Variants in ZNF454 observed in about 807,000 individuals in gnomAD.
ZNF454 encodes the protein zinc finger protein 454.
Under a neutral mutation model 48.2 loss-of-function variants are expected in ZNF454, and 30 were observed. The ratio of observed to expected loss-of-function variants is 0.62; its 90% CI spans 0.47 to 0.84. The LOEUF (loss-of-function observed/expected upper bound fraction) is 0.84. Among genes scored for constraint, ZNF454 ranks in the 40% least tolerant of loss-of-function variants. ZNF454 has a pLI of 0.00. For synonymous variants in ZNF454, 204 were observed against 211.4 expected, an observed-to-expected ratio of 0.97 and a Z score of 0.30; for missense variants, 510 against 623.1, an observed-to-expected ratio of 0.82 and a Z score of 1.93.
the ZNF454 span, chr5:178,988,998 G>A: frequency 1.2e-4 from 187 of 1,613,950 alleles, no homozygotes; most frequent in Non-Finnish European, 1.6e-4. This position sits in a 1 kb window ranked among gnomAD's most constrained non-coding sequence, Gnocchi z 6.0. Context: ...TCCATCGCCG[G>A]GCACAGGCCT....
rs558531339 is a variant in ZNF454, at chr5:178,942,194, C to T, written c.-107-491C>T. 1.0e-3 allele frequency among the ~76,000 whole-genome samples: 152 copies of T among 152,262 alleles called. 1 individual carries two copies. Among genetic ancestry groups the T allele is most frequent in the African/African-American group, 3.5e-3 (145 of 41,558 alleles). ...CGAGGCGAGCCGATCACCTGAGGTC[C>T]GGAGTTCGAGACCAGTCCGACCAAC... is the stretch of plus-strand genomic sequence containing the variant. On this transcript the variant is annotated intron_variant, in intron 1 of 4. Transcript: ENST00000519564.
At chr5:178,979,950 A>G in the ZNF454 span, 1 of 154,472 alleles carries the variant, frequency 6.5e-6, no homozygotes, top group Non-Finnish European at 1.5e-5. Flanking sequence ...TATGGAATAA[A>G]TAATTCTGGA....
At chr5:178,956,718 T>A (rs1305623119) in intron 4 of ZNF454, among the ~76,000 whole-genome samples, 1 of 148,170 alleles carries the variant, frequency 6.7e-6, no homozygotes, top group African/African-American at 2.5e-5. Context: ...TTTATTTATT[T>A]ATTTTGAGAC....
downstream of ZNF454, among the ~76,000 whole-genome samples, chr5:178,967,915 AT>A (rs1181300036): frequency 1.3e-5 from 2 of 150,898 alleles, no homozygotes; most frequent in East Asian, 2.0e-4. Context: ...AATTTTTTGT[AT>A]TTTTAGTAGA....
rs1561690843 is a variant in ZNF454 at position 178,941,321 on chromosome 5, C to T, written c.-231C>T. ...GCTGACCAGGCACGGTGGTCAAAGC[C>T]GCAGAGGGAGAGCGGGAGCGGTCGT... On this transcript the variant is annotated 5_prime_UTR_variant, in exon 1 of 5. Transcript: ENST00000519564. This position sits in a 1 kb window ranked among gnomAD's most constrained non-coding sequence, Gnocchi z 5.5. The T allele has an allele frequency of 2.2e-6, 1 of 451,046 alleles. No individual in the cohort carries two copies. The highest frequency in any genetic ancestry group is 7.0e-5 in the East Asian group (1 of 14,352). The allele number at this position is 451,046 out of a possible 1,614,324, so 27.9% of individuals were successfully genotyped here. A position where few individuals can be genotyped will look rare whatever the true frequency, so the allele number is the denominator to read the frequency against.
At chr5:178,968,727 A>G (rs564922877), downstream of ZNF454, 14 of 456,184 alleles carry the variant, frequency 3.1e-5, no homozygotes, top group Admixed American at 2.3e-4. Flanking sequence ...CCACCCCCTT[A>G]CCTTGAATCC....
At chr5:178,953,686 T>A (rs1759640325) in intron 4 of ZNF454, among the ~76,000 whole-genome samples, 1 of 152,222 alleles carries the variant, frequency 6.6e-6, no homozygotes, top group Non-Finnish European at 1.5e-5. Context: ...ACTTTATGGA[T>A]CATTCAACTG....
In ZNF454 at chr5:178,965,233, T is replaced by C; in HGVS notation, c.829T>C (p.Cys277Arg). Reference protein sequence around the residue: ...TGEKPFECNLCGKAFIRNIHL... With the variant: ...TGEKPFECNLRGKAFIRNIHL... The stretch of plus-strand genomic sequence containing the variant: ...AGAGAAGCCTTTTGAATGCAACTTA[T>C]GTGGAAAAGCTTTTATCCGAAATAT... The change falls in exon 5 of 5, where the codon TGT (cysteine) becomes CGT (arginine). Residue 277 changes from cysteine (C) to arginine (R), a missense_variant. Around this residue, in one of 3 missense-constraint regions of ZNF454, gnomAD observed 354 missense variants for 408.9 expected, o/e 0.87. Transcript: ENST00000519564. This position sits in a 1 kb window ranked among gnomAD's most constrained non-coding sequence, Gnocchi z 5.2. 1 of 1,614,238 alleles carries C rather than the reference T, an allele frequency of 6.2e-7. No homozygotes were observed. The highest frequency in any genetic ancestry group is 1.1e-5 in the South Asian group (1 of 91,090).
the ZNF454 span, chr5:178,986,376 G>A: frequency 1.2e-6 from 2 of 1,614,068 alleles, no homozygotes; most frequent in South Asian, 1.1e-5. Context: ...CGGTGAGGAG[G>A]ACGTAGCTGA....
chr5:178,942,115 A>T (rs1159897257), intron 1 of ZNF454, among the ~76,000 whole-genome samples: 1 of 151,966 alleles, frequency 6.6e-6, no homozygotes, highest in Non-Finnish European at 1.5e-5. Context: ...TTAAAGAGAT[A>T]ATTCTCGGCC....
the ZNF454 span, among the ~76,000 whole-genome samples, chr5:178,974,023 G>A: frequency 3.3e-5 from 5 of 152,080 alleles, no homozygotes; most frequent in East Asian, 3.9e-4. Context: ...GGGATGGTGC[G>A]GTGAAGATGA....
chr5:178,979,775 C>T, the ZNF454 span: 1 of 152,442 alleles, frequency 6.6e-6, no homozygotes, highest in South Asian at 2.1e-4. Flanking sequence ...CTGGGAGAGA[C>T]ATGAGAAAAC....
In ZNF454 at chr5:178,944,318, C is replaced by G. The variant is rs541616891; in HGVS notation, c.33+1494C>G. Among the ~76,000 whole-genome samples the G allele has an allele frequency of 6.6e-4, 101 of 152,324 alleles. No homozygotes were observed. Among genetic ancestry groups the G allele is most frequent in the Middle Eastern group, 3.4e-3 (1 of 294 alleles). Reference sequence around the variant, plus strand: ...TTTCTGCAAAACCTGTCCGCACCCACAGTGCCAGTCTACTGTGATATTTTC... The same window carrying G: ...TTTCTGCAAAACCTGTCCGCACCCAGAGTGCCAGTCTACTGTGATATTTTC... On this transcript the variant is annotated intron_variant, in intron 2 of 4. Transcript: ENST00000519564. The surrounding 1 kb of genome is among the most constrained non-coding windows in gnomAD (Gnocchi z 4.1).
the ZNF454 span, chr5:178,986,558 G>T: frequency 6.2e-7 from 1 of 1,608,144 alleles, no homozygotes. Context: ...GTGTGGTTGG[G>T]CGTGGGCCTC....
chr5:178,985,906 C>T, the ZNF454 span: 5 of 580,882 alleles, frequency 8.6e-6, no homozygotes, highest in African/African-American at 1.9e-5. Context: ...GGACTACAGG[C>T]ACGCACCACC....
chr5:178,971,781 G>T, the ZNF454 span, among the ~76,000 whole-genome samples: 2 of 151,138 alleles, frequency 1.3e-5, no homozygotes, highest in Non-Finnish European at 3.0e-5. Context: ...GTGTGAACCC[G>T]GGAGGTGGAG....
chr5:178,958,387 T>C (rs1367146717), intron 4 of ZNF454, among the ~76,000 whole-genome samples: 1 of 152,242 alleles, frequency 6.6e-6, no homozygotes, highest in African/African-American at 2.4e-5. Flanking sequence ...TTCAACAGTA[T>C]GTCTGAGATT....
At chr5:178,986,605 A>G in the ZNF454 span, 102 of 1,604,370 alleles carry the variant, frequency 6.4e-5, no homozygotes, top group Admixed American at 1.6e-3. Flanking sequence ...GAACTCGTCC[A>G]CCTGGAAGCG....
In ZNF454 at chr5:178,941,996, G is replaced by A. The variant is rs929066566; in HGVS notation, c.-108+552G>A. Among the ~76,000 whole-genome samples the A allele has an allele frequency of 3.9e-5, 6 of 152,270 alleles. No homozygotes were observed. The East Asian group carries it at 7.7e-4, about 20-fold the overall frequency. ...TGTTCCAAAGCCGCAGAGGGAGAGC[G>A]GAGCGGTCTTCCAATCCAGTCGAAC... On this transcript the variant is annotated intron_variant, in intron 1 of 4. Transcript: ENST00000519564. The surrounding 1 kb of genome is among the most constrained non-coding windows in gnomAD (Gnocchi z 5.5).
Sources: gnomAD v4.1 joint callset for allele counts (sites outside exome capture counted in the v4.1 genomes callset) on GRCh38, gnomAD v4.1.1 for gene constraint, gnomAD v4.1.1 regional missense constraint, Gnocchi (gnomAD v3.1) non-coding constraint, MANE v1.5 for transcripts, NCBI Gene and HGNC (gene_info 2026-07-23, HGNC 2026-07-21) for gene names.